The following CNTLN variants were observed in gnomAD, a reference collection of about 807,000 sequenced individuals.
The protein encoded by CNTLN is centlein, centrosomal protein.
In CNTLN, 212 loss-of-function variants were observed where a neutral mutation model predicts 180.0. The observed-to-expected ratio is 1.18, with a 90% CI of 1.05 to 1.32. CNTLN has a LOEUF of 1.32. Ranked by LOEUF, CNTLN falls within the 40% of genes most tolerant of loss-of-function variation. The probability of loss-of-function intolerance (pLI) is 0.00; values close to 1 mark genes in which losing one functional copy is unlikely to be tolerated. For synonymous variants in CNTLN, 722 were observed against 563.1 expected, an observed-to-expected ratio of 1.28 and a Z score of -3.99; for missense variants, 2,095 against 1,610.9, an observed-to-expected ratio of 1.30 and a Z score of -5.14.
chr9:17,417,252 T>C (rs1270549894), intron 18 of CNTLN, among the ~76,000 whole-genome samples: 1 of 152,120 alleles, frequency 6.6e-6, no homozygotes, highest in East Asian at 1.9e-4. Flanking sequence ...TCATCCCATA[T>C]ACATTTTACT....
At chr9:17,317,259 C>T (rs781634570) in intron 8 of CNTLN, among the ~76,000 whole-genome samples, 3 of 152,016 alleles carry the variant, frequency 2.0e-5, no homozygotes, top group Non-Finnish European at 4.4e-5. Context: ...CCTCAAAATA[C>T]GTACATTTTA....
At chr9:17,337,826 A>G (rs1016466789) in intron 10 of CNTLN, among the ~76,000 whole-genome samples, 1 of 152,174 alleles carries the variant, frequency 6.6e-6, no homozygotes, top group Non-Finnish European at 1.5e-5. Context: ...AAATTTGTAC[A>G]TCCTATTCTA....
At position 17,261,315 on chromosome 9, in the gene CNTLN, T is replaced by A. The variant is rs142961943; in HGVS notation, c.850-12418T>A. Among the ~76,000 whole-genome samples the A allele has an allele frequency of 9.8e-3, 1,486 of 151,656 alleles. 17 individuals are homozygous for A. Among genetic ancestry groups the A allele is most frequent in the Admixed American group, 0.015 (231 of 15,242 alleles). ...TCTTCCAATCCATGAGCATGGCATATTTTTCAATTGGTTTGTGTCATCTAT... is the reference window on the plus strand; with the variant it reads ...TCTTCCAATCCATGAGCATGGCATAATTTTCAATTGGTTTGTGTCATCTAT... On this transcript the variant is annotated intron_variant, in intron 5 of 25. Transcript: ENST00000380647.
chr9:17,273,832 C>A lies in CNTLN; in HGVS notation c.949C>A (p.Leu317Ile), dbSNP rs753629722. The A allele has an allele frequency of 3.2e-6, 5 of 1,570,884 alleles. No individual in the cohort carries two copies. Among genetic ancestry groups the A allele is most frequent in the Non-Finnish European group, 4.3e-6 (5 of 1,162,994 alleles). The change falls in exon 6 of 26, where the codon CTT becomes ATT. Residue 317 changes from leucine (L) to isoleucine (I), a missense_variant. Transcript: ENST00000380647. ...SLQLSNKQTELIQKDMDITLV... is the reference protein window; with the variant it reads ...SLQLSNKQTEIIQKDMDITLV... ...ACAGTTGAGTAATAAACAGACTGAA[C>A]TTATCCAGAAGGATATGGATATTAC...
intron 6 of CNTLN, among the ~76,000 whole-genome samples, chr9:17,295,340 G>C (rs1238764458): frequency 6.6e-6 from 1 of 152,220 alleles, no homozygotes; most frequent in African/African-American, 2.4e-5. Flanking sequence ...AGGCCAAGGT[G>C]GCGCGGAGAG....
At chr9:17,451,021 G>A (rs569898389) in intron 18 of CNTLN, among the ~76,000 whole-genome samples, 1 of 152,128 alleles carries the variant, frequency 6.6e-6, no homozygotes, top group East Asian at 1.9e-4. Flanking sequence ...GAAAATGATA[G>A]CATTGTCTTG....
chr9:17,450,996 T>C (rs1830747703), intron 18 of CNTLN, among the ~76,000 whole-genome samples: 1 of 152,186 alleles, frequency 6.6e-6, no homozygotes, highest in Non-Finnish European at 1.5e-5. Context: ...ATGGAAAATA[T>C]TTGTTAATGA....
chr9:17,323,386 TAGAA>T (rs1374211556), intron 8 of CNTLN, among the ~76,000 whole-genome samples: 1 of 152,216 alleles, frequency 6.6e-6, no homozygotes, highest in Admixed American at 6.5e-5. Flanking sequence ...GGTGCATGTG[TAGAA>T]CATTAGCCAT....
intron 18 of CNTLN, among the ~76,000 whole-genome samples, chr9:17,425,334 A>G (rs1401622383): frequency 6.6e-6 from 1 of 152,088 alleles, no homozygotes; most frequent in African/African-American, 2.4e-5. Flanking sequence ...TAATAATAAG[A>G]GACACCCGAT....
chr9:17,198,997 C>T (rs1227319935), intron 2 of CNTLN, among the ~76,000 whole-genome samples: 1 of 151,996 alleles, frequency 6.6e-6, no homozygotes, highest in African/African-American at 2.4e-5. Flanking sequence ...CATACATGTG[C>T]ATGTGTCTTT....
intron 2 of CNTLN, among the ~76,000 whole-genome samples, chr9:17,170,310 A>G (rs1442279651): frequency 1.3e-5 from 2 of 152,042 alleles, no homozygotes; most frequent in Admixed American, 6.5e-5. Flanking sequence ...AATTTTCTTT[A>G]TATAAGATTG....
intron 5 of CNTLN, among the ~76,000 whole-genome samples, chr9:17,272,075 C>T (rs1827988954): frequency 7.0e-6 from 1 of 141,860 alleles, no homozygotes; most frequent in South Asian, 2.4e-4. Flanking sequence ...CCTTTCTGTC[C>T]TTTCTTTCCT....
In CNTLN at chr9:17,466,354, C is replaced by T. The variant is rs141298491; in HGVS notation, c.3669+236C>T. ...CTTGATAGTTTTTAAGAAATGAAAA[C>T]TATTATTGAACACTGGTATTTATAC... On this transcript the variant is annotated intron_variant, in intron 22 of 25. Transcript: ENST00000380647. Among the ~76,000 whole-genome samples, 319 of 151,410 alleles carry T rather than the reference C, an allele frequency of 2.1e-3. 3 individuals are homozygous for T. The highest frequency in any genetic ancestry group is 7.5e-3 in the African/African-American group (309 of 41,432).
intron 18 of CNTLN, among the ~76,000 whole-genome samples, chr9:17,442,058 A>G (rs1488045055): frequency 2.6e-5 from 4 of 152,194 alleles, no homozygotes; most frequent in Non-Finnish European, 1.5e-5. Context: ...AGCTGAAGGG[A>G]GAAATAGGCA....
chr9:17,366,653 A>G lies in CNTLN; in HGVS notation c.1923A>G (p.Val641=). The part of the protein sequence containing the change: ...NLEEELDELK[V]HISIDKAAIQ... ...AAGAAGAATTAGATGAACTTAAAGT[A>G]CATATATCTATTGATAAGGCAGCAA... Residue 641 remains valine (V), a synonymous_variant, in exon 13 of 26, where the codon GTA becomes GTG. Coordinates refer to ENST00000380647, the MANE Select transcript of CNTLN (RefSeq NM_017738.4). 2 of 1,579,026 alleles carry G rather than the reference A, an allele frequency of 1.3e-6. No homozygotes were observed. The highest frequency in any genetic ancestry group is 1.7e-5 in the Admixed American group (1 of 57,976).
At chr9:17,188,791 T>A (rs1441672988) in intron 2 of CNTLN, among the ~76,000 whole-genome samples, 2 of 152,144 alleles carry the variant, frequency 1.3e-5, no homozygotes, top group African/African-American at 4.8e-5. Context: ...ATGTTTTCTT[T>A]TAAATTATTG....
At chr9:17,295,139 G>A (rs1340903229) in intron 6 of CNTLN, among the ~76,000 whole-genome samples, 1 of 151,734 alleles carries the variant, frequency 6.6e-6, no homozygotes, top group African/African-American at 2.4e-5. Context: ...GGGCCGCCAA[G>A]CCCACGCCCA....
rs559150479 is a variant in CNTLN at position 17,446,444 on chromosome 9, A to G, written c.3115-11080A>G. On this transcript the variant is annotated intron_variant, in intron 18 of 25. Transcript: ENST00000380647. ...TGAATATATGAATTTGGAGCTGCAA[A>G]TGATGATCTTTAGCCTTTGACTCTA... is the stretch of plus-strand genomic sequence containing the variant. Among the ~76,000 whole-genome samples the G allele has an allele frequency of 2.6e-5, 4 of 152,304 alleles. No homozygotes were observed. The East Asian group carries it at 7.7e-4, about 29-fold the overall frequency.
chr9:17,378,498 A>G (rs1048037239), intron 13 of CNTLN, among the ~76,000 whole-genome samples: 1 of 151,616 alleles, frequency 6.6e-6, no homozygotes, highest in African/African-American at 2.4e-5. Flanking sequence ...TCTTTCTTAC[A>G]TTTCTATTTA....
Sources: allele counts gnomAD v4.1 joint callset (sites outside exome capture counted in the v4.1 genomes callset), GRCh38; gene constraint gnomAD v4.1.1; transcripts MANE v1.5; gene names NCBI Gene and HGNC (gene_info 2026-07-23, HGNC 2026-07-21).